Variants in HS3ST1 observed in about 807,000 individuals in gnomAD.
HS3ST1 encodes the protein heparan sulfate glucosamine 3-O-sulfotransferase 1.
Under a neutral mutation model 20.7 loss-of-function variants are expected in HS3ST1, and 8 were observed. The ratio of observed to expected loss-of-function variants is 0.39; its 90% confidence interval spans 0.23 to 0.70. The LOEUF is 0.70. Among genes scored for constraint, HS3ST1 ranks in the 30% least tolerant of loss-of-function variants. The pLI is 0.46. For synonymous variants in HS3ST1, 205 were observed against 190.4 expected, an observed-to-expected ratio of 1.08 and a Z score of -0.63; for missense variants, 436 against 423.4, an observed-to-expected ratio of 1.03 and a Z score of -0.26.
chr4:11,421,496 G>A (rs1389415851), intron 1 of HS3ST1, among the ~76,000 whole-genome samples: 1 of 152,188 alleles, frequency 6.6e-6, no homozygotes, highest in Non-Finnish European at 1.5e-5. Context: ...AGCTAGGCAA[G>A]CTTGCTTTTC....
At chr4:11,423,181 T>C (rs1262247516) in intron 1 of HS3ST1, among the ~76,000 whole-genome samples, 1 of 152,168 alleles carries the variant, frequency 6.6e-6, no homozygotes, top group Non-Finnish European at 1.5e-5. Context: ...ATAATTTCCT[T>C]GCAGAGTAGT....
At chr4:11,433,857 C>G (rs1005058629), upstream of HS3ST1, among the ~76,000 whole-genome samples, 24 of 152,202 alleles carry the variant, frequency 1.6e-4, no homozygotes, top group South Asian at 6.2e-4. Context: ...ACAATTCAAT[C>G]TAATCATTCT....
chr4:11,395,388 T>TC lies in HS3ST1; in HGVS notation c.*3693dup, dbSNP rs34140175. ...CAACATTTTCCATTTCTGGACTATT[T>TC]CCCTGGAGTGAGCAAGAATCCTTTC... On this transcript the variant is annotated 3_prime_UTR_variant, in exon 2 of 2. Coordinates refer to ENST00000002596, the MANE Select transcript of HS3ST1 (RefSeq NM_005114.4). The TC allele has an allele frequency of 6.6e-6, 1 of 152,062 alleles. No homozygotes were observed. Among genetic ancestry groups the TC allele is most frequent in the South Asian group, 2.1e-4 (1 of 4,812 alleles). 9.4% of individuals were successfully genotyped at this position (152,062 alleles called of 1,614,324 possible). A position where few individuals can be genotyped will look rare whatever the true frequency, so the allele number is the denominator to read the frequency against.
intron 1 of HS3ST1, among the ~76,000 whole-genome samples, chr4:11,413,795 A>G (rs1194183190): frequency 2.6e-5 from 4 of 152,218 alleles, no homozygotes; most frequent in Non-Finnish European, 5.9e-5. Context: ...TGAGAGATCT[A>G]CATGAAAACC....
intron 1 of HS3ST1, among the ~76,000 whole-genome samples, chr4:11,400,742 T>C (rs1047076762): frequency 6.6e-6 from 1 of 152,222 alleles, no homozygotes; most frequent in Admixed American, 6.5e-5. Flanking sequence ...GTATGAAAGA[T>C]TGCATGATTA....
At chr4:11,416,577 A>G (rs1487225456) in intron 1 of HS3ST1, among the ~76,000 whole-genome samples, 2 of 152,218 alleles carry the variant, frequency 1.3e-5, no homozygotes, top group African/African-American at 4.8e-5. Flanking sequence ...TGTTTGTCCC[A>G]TGAGGGTTGG....
rs555273547 is a variant in HS3ST1 at position 11,397,904 on chromosome 4, A to C, written c.*1178T>G. 4 of 152,230 alleles carry C rather than the reference A, an allele frequency of 2.6e-5. No individual in the cohort carries two copies. Among genetic ancestry groups the C allele is most frequent in the Admixed American group, 2.6e-4 (4 of 15,288 alleles). 9.4% of individuals were successfully genotyped at this position (152,230 alleles called of 1,614,324 possible). A position where few individuals can be genotyped will look rare whatever the true frequency, so the allele number is the denominator to read the frequency against. On this transcript the variant is annotated 3_prime_UTR_variant, in exon 2 of 2. Coordinates refer to ENST00000002596, the MANE Select transcript of HS3ST1 (RefSeq NM_005114.4). ...AAAAGGCTGACTGCATGAAGAATGC[A>C]TGAAAAAACTGAGGATAAGAAGGGT...
chr4:11,425,136 A>G (rs1719029657), intron 1 of HS3ST1, among the ~76,000 whole-genome samples: 1 of 152,218 alleles, frequency 6.6e-6, no homozygotes, highest in South Asian at 2.1e-4. Context: ...ATTCAGTCCA[A>G]TCACTCATTC....
At chr4:11,406,248 T>G (rs1718462012) in intron 1 of HS3ST1, among the ~76,000 whole-genome samples, 1 of 152,226 alleles carries the variant, frequency 6.6e-6, no homozygotes, top group Non-Finnish European at 1.5e-5. Flanking sequence ...TTATTTTATA[T>G]TTTTAAGCAA....
intron 1 of HS3ST1, among the ~76,000 whole-genome samples, chr4:11,423,044 A>AAAG (rs1718978318): frequency 6.6e-6 from 1 of 150,400 alleles, no homozygotes; most frequent in Admixed American, 6.6e-5. Context: ...AAAAAAAAAA[A>AAAG]AAAAAGTGCT....
intron 1 of HS3ST1, among the ~76,000 whole-genome samples, chr4:11,426,397 A>T (rs1719061396): frequency 6.7e-6 from 1 of 149,746 alleles, no homozygotes; most frequent in Non-Finnish European, 1.5e-5. Flanking sequence ...TTTTTCCAGT[A>T]AAATAATTTC....
intron 1 of HS3ST1, among the ~76,000 whole-genome samples, chr4:11,427,217 G>C (rs906600245): frequency 4.6e-5 from 7 of 152,208 alleles, no homozygotes; most frequent in Admixed American, 1.3e-4. Context: ...GGGAATGAAG[G>C]ATCCTGCCTG....
Position 11,398,984 on chromosome 4 carries a change from A to G in HS3ST1, c.*98T>C. On this transcript the variant is annotated 3_prime_UTR_variant, in exon 2 of 2. Transcript: ENST00000002596. Reference sequence around the variant, plus strand: ...CAGAAGTACTTTATGGATTTTACAAATAAATTATACCTTAAATGCTTTTTT... The same window carrying G: ...CAGAAGTACTTTATGGATTTTACAAGTAAATTATACCTTAAATGCTTTTTT... 9.1e-7 allele frequency: 1 copy of G among 1,103,562 alleles called. No individual in the cohort carries two copies. Among genetic ancestry groups the G allele is most frequent in the African/African-American group, 1.6e-5 (1 of 63,494 alleles). The allele number at this position is 1,103,562 out of a possible 1,614,324, so 68.4% of individuals were successfully genotyped here.
At chr4:11,419,355 C>G (rs927482551) in intron 1 of HS3ST1, among the ~76,000 whole-genome samples, 2 of 152,140 alleles carry the variant, frequency 1.3e-5, no homozygotes, top group South Asian at 2.1e-4. Flanking sequence ...CTGAGACACT[C>G]TCCCATGAAT....
At chr4:11,427,596 C>A (rs1719094122) in intron 1 of HS3ST1, among the ~76,000 whole-genome samples, 1 of 152,192 alleles carries the variant, frequency 6.6e-6, no homozygotes, top group Non-Finnish European at 1.5e-5. Context: ...GCGAGACTCG[C>A]GCAAGGCGAG....
intron 1 of HS3ST1, among the ~76,000 whole-genome samples, chr4:11,419,434 C>T (rs1718868510): frequency 6.6e-6 from 1 of 152,008 alleles, no homozygotes; most frequent in Admixed American, 6.6e-5. Flanking sequence ...ACAATGAGAA[C>T]ACATGGATAT....
chr4:11,428,537 G>A (rs1156770926), intron 1 of HS3ST1, 162 bp downstream of exon 1: 2 of 152,560 alleles, frequency 1.3e-5, no homozygotes, highest in Non-Finnish European at 2.9e-5. Flanking sequence ...AAAATCCCCA[G>A]CCTTTGCTTC....
chr4:11,408,170 G>A (rs1418932742), intron 1 of HS3ST1, among the ~76,000 whole-genome samples: 1 of 152,174 alleles, frequency 6.6e-6, no homozygotes, highest in Admixed American at 6.5e-5. Context: ...TCTTAGCTCT[G>A]TAACTTGAAA....
Position 11,399,178 on chromosome 4 carries a change from T to C in HS3ST1, c.828A>G (p.Gln276=), listed in dbSNP as rs150542973. The part of the protein sequence containing the change: ...LHESKGRAHP[Q]VDPKLLNKLH... ...GTTTATTGAGTAGTTTGGGATCGAC[T>C]TGGGGGTGCGCCCGGCCTTTGGACT... The change falls in exon 2 of 2, where the codon CAA becomes CAG. Residue 276 remains glutamine (Q), a synonymous_variant. Coordinates refer to ENST00000002596, the MANE Select transcript of HS3ST1 (RefSeq NM_005114.4). The surrounding 1 kb of genome is among the most constrained non-coding windows in gnomAD (Gnocchi z 5.1). 1.1e-5 allele frequency: 18 copies of C among 1,614,180 alleles called. No homozygotes were observed. The highest frequency in any genetic ancestry group is 4.4e-5 in the South Asian group (4 of 91,090).
Sources: gnomAD v4.1 joint callset for allele counts (sites outside exome capture counted in the v4.1 genomes callset) on GRCh38, gnomAD v4.1.1 for gene constraint, Gnocchi (gnomAD v3.1) non-coding constraint, MANE v1.5 for transcripts, NCBI Gene and HGNC (gene_info 2026-07-23, HGNC 2026-07-21) for gene names.